RBFOX3: variants seen among roughly 807,000 people sequenced by gnomAD.
RBFOX3 encodes the protein RNA binding fox-1 homolog 3, also known as RNA binding protein fox-1 homolog 3.
A neutral mutation model predicts 48.7 loss-of-function variants in RBFOX3; 17 were observed. The ratio of observed to expected loss-of-function variants is 0.35; its 90% confidence interval spans 0.24 to 0.52. The LOEUF (loss-of-function observed/expected upper bound fraction) is 0.52. RBFOX3 is among the 20% of genes least tolerant of loss of function. RBFOX3 has a pLI of 0.94. For missense variants in RBFOX3, 382 were observed against 497.5 expected (o/e 0.77, Z 2.21); for synonymous variants, 212 against 209.5 (o/e 1.01, Z -0.10).
intron 4 of RBFOX3, among the ~76,000 whole-genome samples, chr17:79,182,468 C>T (rs1029922505): frequency 1.3e-5 from 2 of 152,160 alleles, no homozygotes; most frequent in East Asian, 1.9e-4. Context: ...CCCCCTCTGT[C>T]CCCAGTGCAG....
At chr17:79,470,593 C>T (rs914488489) in intron 2 of RBFOX3, among the ~76,000 whole-genome samples, 6 of 152,192 alleles carry the variant, frequency 3.9e-5, no homozygotes, top group African/African-American at 1.4e-4. Flanking sequence ...AGCTAGGGAA[C>T]CCCCCTCAGC....
chr17:79,522,611 C>T (rs2086260092), intron 1 of RBFOX3, among the ~76,000 whole-genome samples: 1 of 152,074 alleles, frequency 6.6e-6, no homozygotes, highest in Admixed American at 6.5e-5. Context: ...CGAGATTCAC[C>T]TCAGGAATGT....
rs1376453009 is a variant in RBFOX3 at position 79,103,294 on chromosome 17, G to C, written c.415-40C>G. 7.1e-7 allele frequency: 1 copy of C among 1,399,224 alleles called. No individual in the cohort carries two copies. The highest frequency in any genetic ancestry group is 2.0e-5 in the Admixed American group (1 of 50,774). The allele number at this position is 1,399,224 out of a possible 1,614,324, so 86.7% of individuals were successfully genotyped here. ...GAGGGAAGGACAGGCACGGAGAGGA[G>C]GACACAGGGCGAGAAAGAGGAGGAA... On this transcript the variant is annotated intron_variant, in intron 7 of 14. Transcript: ENST00000693108. This position sits in a 1 kb window ranked among gnomAD's most constrained non-coding sequence, Gnocchi z 6.1.
At chr17:79,397,892 C>T (rs1043954668) in intron 2 of RBFOX3, among the ~76,000 whole-genome samples, 1 of 152,130 alleles carries the variant, frequency 6.6e-6, no homozygotes, top group East Asian at 1.9e-4. Flanking sequence ...GGCCCTGGGG[C>T]TGGGAAGATG....
rs1291237048 is a variant in RBFOX3 at position 79,512,215 on chromosome 17, G to A, written c.-319-29617C>T. ...GGATATAGCCCCATGGCCAGGGGAC[G>A]CACACCCGGATACATGTTACCATCG... On this transcript the variant is annotated intron_variant, in intron 1 of 14. Coordinates refer to ENST00000693108, the MANE Select transcript of RBFOX3 (RefSeq NM_001350451.2). 1.4e-3 allele frequency among the ~76,000 whole-genome samples: 166 copies of A among 117,742 alleles called. 3 individuals carry two copies. Among genetic ancestry groups the A allele is most frequent in the African/African-American group, 4.7e-3 (146 of 30,832 alleles). 77.2% of individuals were successfully genotyped at this position (117,742 alleles called of 152,430 possible).
chr17:79,236,387 C>T (rs73414026), intron 3 of RBFOX3, among the ~76,000 whole-genome samples: 10,875 of 152,032 alleles, frequency 0.072, 1,059 homozygotes, highest in African/African-American at 0.22. Flanking sequence ...CTCCTGGGTT[C>T]GAGCGATTCT....
intron 1 of RBFOX3, among the ~76,000 whole-genome samples, chr17:79,610,371 G>A (rs1331968107): frequency 2.6e-5 from 4 of 151,820 alleles, no homozygotes; most frequent in Admixed American, 2.6e-4. Flanking sequence ...CGCGCCCCGC[G>A]GGGCCGGGAT....
At chr17:79,662,975 G>A in the RBFOX3 span, among the ~76,000 whole-genome samples, 8 of 152,100 alleles carry the variant, frequency 5.3e-5, no homozygotes, top group South Asian at 4.1e-4. Context: ...GGAAGGAAAC[G>A]TCGCTGTTTA....
intron 1 of RBFOX3, among the ~76,000 whole-genome samples, chr17:79,539,891 G>A (rs1455504825): frequency 6.6e-6 from 1 of 152,124 alleles, no homozygotes; most frequent in African/African-American, 2.4e-5. Context: ...GGTTTTGTTT[G>A]GGTTTTTAGT....
chr17:79,214,616 A>G lies in RBFOX3; in HGVS notation c.-34+21150T>C, dbSNP rs1324744928. Among the ~76,000 whole-genome samples the G allele has an allele frequency of 1.3e-5, 2 of 151,334 alleles. No homozygotes were observed. The highest frequency in any genetic ancestry group is 1.3e-4 in the Admixed American group (2 of 15,210). On this transcript the variant is annotated intron_variant, in intron 4 of 14. Coordinates refer to ENST00000693108, the MANE Select transcript of RBFOX3 (RefSeq NM_001350451.2). This position sits in a 1 kb window ranked among gnomAD's most constrained non-coding sequence, Gnocchi z 4.7. The stretch of plus-strand genomic sequence containing the variant: ...TTGGCCTCTGTGGCTGTCCAGGGAG[A>G]GAGAGGAGGAGCCCAGGCTCCCAGG...
the RBFOX3 span, among the ~76,000 whole-genome samples, chr17:79,650,221 C>T: frequency 1.3e-5 from 2 of 152,136 alleles, no homozygotes; most frequent in Non-Finnish European, 2.9e-5. Context: ...TTTTTCCACT[C>T]CTTTCTCTCT....
intron 3 of RBFOX3, among the ~76,000 whole-genome samples, chr17:79,280,150 T>TGC (rs1006127552): frequency 6.7e-4 from 72 of 107,580 alleles, no homozygotes; most frequent in Non-Finnish European, 1.2e-3. Flanking sequence ...CACATGTGCG[T>TGC]GCACACACAC....
At chr17:79,294,343 C>T (rs755000723) in intron 3 of RBFOX3, among the ~76,000 whole-genome samples, 3 of 152,128 alleles carry the variant, frequency 2.0e-5, no homozygotes, top group Non-Finnish European at 4.4e-5. Context: ...TGGAGTCTCA[C>T]TTTGTCTCCC....
chr17:79,464,237 G>T (rs1555751981), intron 2 of RBFOX3, among the ~76,000 whole-genome samples: 1 of 151,610 alleles, frequency 6.6e-6, no homozygotes, highest in Non-Finnish European at 1.5e-5. Flanking sequence ...CCACCAAGGA[G>T]ACTGGCCGAT....
intron 2 of RBFOX3, among the ~76,000 whole-genome samples, chr17:79,352,493 G>A (rs963669169): frequency 5.3e-5 from 8 of 152,144 alleles, no homozygotes; most frequent in Admixed American, 2.6e-4. Context: ...ATGGCAGTGC[G>A]AGAACAGATG....
chr17:79,559,671 G>GTGGGTGGA (rs2092061995), intron 1 of RBFOX3, among the ~76,000 whole-genome samples: 2 of 80,416 alleles, frequency 2.5e-5, no homozygotes, highest in Non-Finnish European at 6.2e-5. Context: ...GGGTGGGTGG[G>GTGGGTGGA]TGGATGGATG....
At chr17:79,169,104 G>A (rs750030993) in intron 4 of RBFOX3, among the ~76,000 whole-genome samples, 3 of 151,894 alleles carry the variant, frequency 2.0e-5, no homozygotes, top group Admixed American at 6.5e-5. Flanking sequence ...CAGCTGCACA[G>A]GGCGGATCCG....
At chr17:79,356,455 A>G (rs576809989) in intron 2 of RBFOX3, among the ~76,000 whole-genome samples, 1 of 126,182 alleles carries the variant, frequency 7.9e-6, no homozygotes, top group East Asian at 2.4e-4. Flanking sequence ...TGCAAGCTCC[A>G]CCTCCCAGGT....
chr17:79,314,718 C>A (rs2077302100), intron 2 of RBFOX3, among the ~76,000 whole-genome samples: 1 of 152,180 alleles, frequency 6.6e-6, no homozygotes, highest in African/African-American at 2.4e-5. Context: ...AGAGGCCATG[C>A]ATGTGCATTT....
Sources: gnomAD v4.1 joint callset for allele counts (sites outside exome capture counted in the v4.1 genomes callset) on GRCh38, gnomAD v4.1.1 for gene constraint, Gnocchi (gnomAD v3.1) non-coding constraint, MANE v1.5 for transcripts, NCBI Gene and HGNC (gene_info 2026-07-23, HGNC 2026-07-21) for gene names.